The following TSPAN9 variants were observed in gnomAD, a reference collection of about 807,000 sequenced individuals.
TSPAN9 encodes the protein tetraspanin 9.
TSPAN9 carries 16 observed loss-of-function variants against 31.0 expected under a neutral mutation model. The observed-to-expected ratio is 0.52, with a 90% CI of 0.35 to 0.78. The LOEUF is 0.78. Among genes scored for constraint, TSPAN9 ranks in the 30% least tolerant of loss-of-function variants. The pLI is 0.01. For missense variants in TSPAN9, 272 were observed against 312.5 expected (o/e 0.87, Z 0.98); for synonymous variants, 145 against 121.6 (o/e 1.19, Z -1.27).
chr12:3,247,472 G>A (rs647532), intron 3 of TSPAN9, among the ~76,000 whole-genome samples: 130,974 of 151,642 alleles, frequency 0.86, 58,232 homozygotes, highest in Non-Finnish European at 0.98. Flanking sequence ...CCGAGAGAGC[G>A]TCAGTTCAGA....
chr12:3,119,619 G>A lies in TSPAN9; in HGVS notation c.-18+35900G>A, dbSNP rs2098324145. On this transcript the variant is annotated intron_variant, in intron 2 of 8. Transcript: ENST00000011898. ...CGGAGGGCTGTGTGCTTCACTGGAG[G>A]GCCTCTCTGCTGTGAATGCACCCCC... is the stretch of plus-strand genomic sequence containing the variant. Among the ~76,000 whole-genome samples, 3 of 152,270 alleles carry A rather than the reference G, an allele frequency of 2.0e-5. 1 individual carries two copies. In the South Asian group the frequency reaches 6.2e-4, roughly 32 times the overall value.
chr12:3,096,685 ATCTT>A (rs1050414798), intron 2 of TSPAN9, among the ~76,000 whole-genome samples: 10 of 150,896 alleles, frequency 6.6e-5, no homozygotes, highest in Non-Finnish European at 1.5e-4. Flanking sequence ...GGCAGTGAGG[ATCTT>A]TCTTTCTTTC....
At chr12:3,245,148 C>T (rs1254444041) in intron 3 of TSPAN9, among the ~76,000 whole-genome samples, 1 of 152,224 alleles carries the variant, frequency 6.6e-6, no homozygotes, top group Non-Finnish European at 1.5e-5. Context: ...TTCTCTCTGG[C>T]AGCGCCTGGT....
intron 2 of TSPAN9, among the ~76,000 whole-genome samples, chr12:3,162,363 G>A (rs1487836063): frequency 6.6e-6 from 1 of 152,212 alleles, no homozygotes; most frequent in Admixed American, 6.5e-5. Flanking sequence ...AGACAGTGCT[G>A]TATGCAGCTG....
At chr12:3,248,186 C>G (rs1862175605) in intron 3 of TSPAN9, among the ~76,000 whole-genome samples, 3 of 152,160 alleles carry the variant, frequency 2.0e-5, no homozygotes. Context: ...CACTCATACT[C>G]CCTAGGTACT....
chr12:3,241,006 C>T lies in TSPAN9; in HGVS notation c.64-37415C>T, dbSNP rs573975246. On this transcript the variant is annotated intron_variant, in intron 3 of 8. Transcript: ENST00000011898. The stretch of plus-strand genomic sequence containing the variant: ...ACGGATAATTGCTAATATGATGGAG[C>T]TTTCTACTACAGCACTGGTTGGGTG... Among the ~76,000 whole-genome samples, 29 of 152,274 alleles carry T rather than the reference C, an allele frequency of 1.9e-4. 1 individual carries two copies. In the South Asian group the frequency reaches 5.6e-3, roughly 29 times the overall value.
chr12:3,255,052 C>T (rs118154711), intron 3 of TSPAN9, among the ~76,000 whole-genome samples: 14 of 152,284 alleles, frequency 9.2e-5, no homozygotes, highest in Non-Finnish European at 1.9e-4. Context: ...CTGTGAGCTT[C>T]CTGCTGCAGT....
chr12:3,156,710 G>T (rs1234988024), intron 2 of TSPAN9, among the ~76,000 whole-genome samples: 1 of 152,094 alleles, frequency 6.6e-6, no homozygotes, highest in East Asian at 1.9e-4. Context: ...GTTTCACCAT[G>T]TTGGCTAGGC....
At chr12:3,197,175 T>C (rs1318207527) in intron 2 of TSPAN9, among the ~76,000 whole-genome samples, 1 of 152,214 alleles carries the variant, frequency 6.6e-6, no homozygotes, top group Non-Finnish European at 1.5e-5. Context: ...TTGCCCTTGA[T>C]CACACAGCTA....
intron 2 of TSPAN9, among the ~76,000 whole-genome samples, chr12:3,115,938 C>G (rs1019374817): frequency 6.6e-6 from 1 of 152,216 alleles, no homozygotes; most frequent in Non-Finnish European, 1.5e-5. Context: ...TCTCCACATC[C>G]TTGCAGACAA....
intron 2 of TSPAN9, among the ~76,000 whole-genome samples, chr12:3,191,232 C>G (rs1371785338): frequency 2.6e-5 from 4 of 151,964 alleles, no homozygotes; most frequent in Non-Finnish European, 4.4e-5. Context: ...TGGGCAAGCA[C>G]CTGTACAGAT....
At chr12:3,134,541 C>T (rs985052674) in intron 2 of TSPAN9, among the ~76,000 whole-genome samples, 1 of 152,168 alleles carries the variant, frequency 6.6e-6, no homozygotes, top group Admixed American at 6.5e-5. Context: ...TGCTTGCCTC[C>T]GCTCGGGGCT....
intron 3 of TSPAN9, among the ~76,000 whole-genome samples, chr12:3,262,080 A>G (rs544157466): frequency 6.6e-6 from 1 of 152,370 alleles, no homozygotes; most frequent in African/African-American, 2.4e-5. Flanking sequence ...TTAAGGTTCT[A>G]GCTCCAAGTA....
At chr12:3,207,474 G>A (rs2098375898) in intron 3 of TSPAN9, among the ~76,000 whole-genome samples, 1 of 152,108 alleles carries the variant, frequency 6.6e-6, no homozygotes, top group African/African-American at 2.4e-5. Context: ...ATCCTGGCAG[G>A]GATGTTAAAA....
At chr12:3,191,123 G>A (rs764013921) in intron 2 of TSPAN9, among the ~76,000 whole-genome samples, 1 of 152,156 alleles carries the variant, frequency 6.6e-6, no homozygotes, top group Non-Finnish European at 1.5e-5. Context: ...AGCATCCAGT[G>A]CAAAGGCCAG....
intron 3 of TSPAN9, among the ~76,000 whole-genome samples, chr12:3,240,735 C>T (rs1007757558): frequency 7.2e-5 from 11 of 152,138 alleles, no homozygotes; most frequent in African/African-American, 2.2e-4. Flanking sequence ...GTGTTAAATA[C>T]GAGCATAATA....
chr12:3,251,802 T>TG (rs953617253), intron 3 of TSPAN9, among the ~76,000 whole-genome samples: 1 of 152,054 alleles, frequency 6.6e-6, no homozygotes, highest in African/African-American at 2.4e-5. Flanking sequence ...AGCTCAGAGC[T>TG]GGGATAGGAG....
At chr12:3,210,888 GGCACGTGCTA>G (rs2098378313) in intron 3 of TSPAN9, among the ~76,000 whole-genome samples, 1 of 151,986 alleles carries the variant, frequency 6.6e-6, no homozygotes, top group African/African-American at 2.4e-5. Context: ...TCAAACTATA[GGCACGTGCTA>G]CCAAGCCTGG....
intron 3 of TSPAN9, among the ~76,000 whole-genome samples, chr12:3,240,386 G>A (rs1423699676): frequency 1.3e-5 from 2 of 152,146 alleles, no homozygotes; most frequent in Non-Finnish European, 2.9e-5. Context: ...TCAGCCAAGG[G>A]GGCCAGCAGT....
Sources: allele counts gnomAD v4.1 joint callset (sites outside exome capture counted in the v4.1 genomes callset), GRCh38; gene constraint gnomAD v4.1.1; transcripts MANE v1.5; gene names NCBI Gene and HGNC (gene_info 2026-07-23, HGNC 2026-07-21).